Variants in GPR158 observed in about 807,000 individuals in gnomAD.
GPR158 encodes G protein-coupled receptor 158, also known as metabotropic glycine receptor.
In GPR158, 30 loss-of-function variants were observed where a neutral mutation model predicts 78.2. That is an observed-to-expected ratio of 0.38 (90% CI 0.29 to 0.52). The LOEUF (loss-of-function observed/expected upper bound fraction) is 0.52. Ranked by LOEUF, GPR158 falls within the 20% of genes least tolerant of loss-of-function variation. GPR158 has a pLI of 0.83. For synonymous variants in GPR158, 581 were observed against 591.1 expected, an observed-to-expected ratio of 0.98 and a Z score of 0.25; for missense variants, 1,463 against 1,523.5, an observed-to-expected ratio of 0.96 and a Z score of 0.66.
At chr10:25,222,155 C>T (rs1159196380) in intron 2 of GPR158, among the ~76,000 whole-genome samples, 1 of 151,988 alleles carries the variant, frequency 6.6e-6, no homozygotes, top group Non-Finnish European at 1.5e-5. Flanking sequence ...GAGTGTTTAC[C>T]ATGTATACAC....
rs141652625 is a variant in GPR158, at chr10:25,555,243, T to A, written c.1514+4158T>A. On this transcript the variant is annotated intron_variant, in intron 6 of 10. Transcript: ENST00000376351. ...TCCATATGAACTTTAAAGCAGTTTTTCTCAATTCTGTGAAGAAAGTCATTG... is the reference window on the plus strand; with the variant it reads ...TCCATATGAACTTTAAAGCAGTTTTACTCAATTCTGTGAAGAAAGTCATTG... Among the ~76,000 whole-genome samples, 48 of 152,282 alleles carry A rather than the reference T, an allele frequency of 3.2e-4. 2 individuals are homozygous for A. Among genetic ancestry groups the A allele is most frequent in the African/African-American group, 1.1e-3 (47 of 41,554 alleles).
At chr10:25,396,661 C>T (rs1250944247) in intron 3 of GPR158, among the ~76,000 whole-genome samples, 1 of 152,230 alleles carries the variant, frequency 6.6e-6, no homozygotes. Flanking sequence ...ATGCAGAGAT[C>T]ATCTTCAAAA....
chr10:25,297,581 A>C (rs1197277256), intron 2 of GPR158, among the ~76,000 whole-genome samples: 3 of 152,226 alleles, frequency 2.0e-5, no homozygotes, highest in Admixed American at 2.0e-4. Context: ...TTCAGAAACC[A>C]GGAAGTATGT....
intron 5 of GPR158, among the ~76,000 whole-genome samples, chr10:25,472,553 C>A (rs1031134222): frequency 6.6e-6 from 1 of 152,162 alleles, no homozygotes; most frequent in African/African-American, 2.4e-5. Flanking sequence ...TTGCCTTGGG[C>A]AGTATGGCCA....
chr10:25,565,898 G>C (rs1171779597), intron 6 of GPR158, among the ~76,000 whole-genome samples: 1 of 152,148 alleles, frequency 6.6e-6, no homozygotes. Flanking sequence ...AGTGTGGAAG[G>C]GGTCTCGAAT....
intron 5 of GPR158, among the ~76,000 whole-genome samples, chr10:25,531,481 T>G (rs1193195291): frequency 1.3e-5 from 2 of 152,232 alleles, no homozygotes; most frequent in African/African-American, 4.8e-5. Flanking sequence ...AAAAGTTTTA[T>G]GGCAACCTAT....
At chr10:25,360,034 G>A (rs1487756927) in intron 2 of GPR158, among the ~76,000 whole-genome samples, 1 of 152,078 alleles carries the variant, frequency 6.6e-6, no homozygotes, top group Admixed American at 6.5e-5. Flanking sequence ...TTTTTTTCAT[G>A]TTTGTTGGCT....
chr10:25,589,131 A>G lies in GPR158; in HGVS notation c.1878A>G (p.Ile626Met). The change falls in exon 8 of 11, where the codon ATA becomes ATG. Residue 626 changes from isoleucine (I) to methionine (M), a missense_variant. Coordinates refer to ENST00000376351, the MANE Select transcript of GPR158 (RefSeq NM_020752.3). ...AVHNELIISAIFHTIRFVLAS... is the reference protein window; with the variant it reads ...AVHNELIISAMFHTIRFVLAS... The stretch of plus-strand genomic sequence containing the variant: ...ACAATGAGCTCATCATCTCTGCTAT[A>G]TTCCATACAATTAGGCAAGTGATCT... 1.2e-6 allele frequency: 2 copies of G among 1,606,034 alleles called. No individual in the cohort carries two copies. Among genetic ancestry groups the G allele is most frequent in the Non-Finnish European group, 1.7e-6 (2 of 1,174,728 alleles).
chr10:25,232,450 T>G (rs965370436), intron 2 of GPR158, among the ~76,000 whole-genome samples: 3 of 152,228 alleles, frequency 2.0e-5, no homozygotes, highest in Admixed American at 1.3e-4. Context: ...AGAATCATGT[T>G]GCTTAGCTAC....
At chr10:25,516,802 T>C (rs1192793056) in intron 5 of GPR158, among the ~76,000 whole-genome samples, 12 of 110,792 alleles carry the variant, frequency 1.1e-4, no homozygotes, top group African/African-American at 5.0e-4. Flanking sequence ...AGTCAGGTAG[T>C]GTGATGCCTC....
At chr10:25,532,953 T>C (rs185803622) in intron 5 of GPR158, among the ~76,000 whole-genome samples, 1 of 151,330 alleles carries the variant, frequency 6.6e-6, no homozygotes, top group Admixed American at 6.6e-5. Context: ...TAAAGGTGTT[T>C]TCATAGCAAC....
At chr10:25,192,251 G>A (rs1852781338) in intron 1 of GPR158, among the ~76,000 whole-genome samples, 1 of 152,122 alleles carries the variant, frequency 6.6e-6, no homozygotes, top group Admixed American at 6.5e-5. Flanking sequence ...TTATGAAGAA[G>A]GTGCCTTGCT....
intron 6 of GPR158, among the ~76,000 whole-genome samples, chr10:25,564,707 C>T (rs1370536448): frequency 3.3e-5 from 5 of 152,040 alleles, no homozygotes; most frequent in East Asian, 1.9e-4. Context: ...GAGCATGAGA[C>T]GGAATCAAAG....
intron 2 of GPR158, among the ~76,000 whole-genome samples, chr10:25,234,778 T>C (rs988189302): frequency 2.6e-5 from 4 of 152,182 alleles, no homozygotes; most frequent in African/African-American, 9.7e-5. Flanking sequence ...TTTCTGAAGA[T>C]TGGTCTGAAA....
Position 25,339,510 on chromosome 10 carries a change from A to G in GPR158, c.1009-56401A>G, listed in dbSNP as rs75429907. 6.5e-3 allele frequency among the ~76,000 whole-genome samples: 982 copies of G among 151,770 alleles called. 12 individuals carry two copies. The highest frequency in any genetic ancestry group is 0.023 in the African/African-American group (935 of 41,394). On this transcript the variant is annotated intron_variant, in intron 2 of 10. Transcript: ENST00000376351. ...CACCTTCAGTTTGTTTTTCTTTCTG[A>G]TTGCATTGGTTAGGAATTTCAGTAC...
rs1286040667 is a variant in GPR158 at position 25,597,947 on chromosome 10, A to G, written c.2321A>G (p.Lys774Arg). The change falls in exon 11 of 11, where the codon AAG becomes AGG. Residue 774 changes from lysine (K) to arginine (R), a missense_variant. Physicochemically the swap from Lys to Arg is conservative, Grantham distance 26. Coordinates refer to ENST00000376351, the MANE Select transcript of GPR158 (RefSeq NM_020752.3). ...AGCCGGCAGTGCTCTAAAGAGGACA[A>G]GGAGGGCGCCGACCATGGCACAGCC... The part of the protein sequence containing the change: ...TVSRQCSKED[K>R]EGADHGTAKG... 1 of 1,613,896 alleles carries G rather than the reference A, an allele frequency of 6.2e-7. No homozygotes were observed. Among genetic ancestry groups the G allele is most frequent in the Non-Finnish European group, 8.5e-7 (1 of 1,179,892 alleles).
intron 2 of GPR158, among the ~76,000 whole-genome samples, chr10:25,373,937 T>C (rs540155956): frequency 1.3e-5 from 2 of 151,750 alleles, no homozygotes; most frequent in African/African-American, 4.8e-5. Context: ...GTCATTTAGG[T>C]CAAATTTTTT....
intron 4 of GPR158, among the ~76,000 whole-genome samples, chr10:25,444,891 T>C (rs1835120470): frequency 6.6e-6 from 1 of 152,150 alleles, no homozygotes; most frequent in Admixed American, 6.5e-5. Flanking sequence ...AAGCTCCAGA[T>C]CATGAGACTT....
At chr10:25,336,197 A>T (rs1169903523) in intron 2 of GPR158, among the ~76,000 whole-genome samples, 1 of 152,098 alleles carries the variant, frequency 6.6e-6, no homozygotes, top group Non-Finnish European at 1.5e-5. Flanking sequence ...TACATATCAT[A>T]AAAAAGACAC....
Sources: gnomAD v4.1 joint callset for allele counts (sites outside exome capture counted in the v4.1 genomes callset) on GRCh38, gnomAD v4.1.1 for gene constraint, MANE v1.5 for transcripts, NCBI Gene and HGNC (gene_info 2026-07-23, HGNC 2026-07-21) for gene names.